Variants in CAD observed in about 807,000 individuals in gnomAD.
CAD encodes the protein carbamoyl-phosphate synthetase 2, aspartate transcarbamylase, and dihydroorotase.
A neutral mutation model predicts 237.2 loss-of-function variants in CAD; 81 were observed. That is an observed-to-expected ratio of 0.34 (90% CI 0.29 to 0.41). The LOEUF (loss-of-function observed/expected upper bound fraction) is 0.41, where lower values mean the gene tolerates loss of function less well. CAD is among the 10% of genes least tolerant of loss of function. CAD has a pLI of 1.00. For synonymous variants in CAD, 1,196 were observed against 1,162.8 expected (o/e 1.03, Z -0.58); for missense variants, 2,181 against 2,951.7 (o/e 0.74, Z 6.05).
In CAD at chr2:27,242,707, G is replaced by A. The variant is rs1572455463; in HGVS notation, c.6310G>A (p.Val2104Met). 3.1e-6 allele frequency: 5 copies of A among 1,614,030 alleles called. No homozygotes were observed. Among genetic ancestry groups the A allele is most frequent in the Non-Finnish European group, 4.2e-6 (5 of 1,180,032 alleles). ...LTQYRVSLRY[V>M]APPSLRMPPT... ...CCAGTATCGTGTCAGCCTGCGCTAC[G>A]TGGCACCTCCCAGCCTGCGCATGCC... The change falls in exon 41 of 44, where the codon GTG becomes ATG. Residue 2104 changes from valine (V) to methionine (M), a missense_variant. By Grantham distance (21) the Val-to-Met change is conservative (BLOSUM62 1). Transcript: ENST00000264705. The surrounding 1 kb of genome is among the most constrained non-coding windows in gnomAD (Gnocchi z 6.4).
At chr2:27,218,151 T>A in intron 2 of CAD, 135 bp downstream of exon 2, 1 of 710,054 alleles carries the variant, frequency 1.4e-6, no homozygotes, top group South Asian at 2.2e-5. Context: ...AGTCAAGGAC[T>A]AAGATCACTA....
rs1674914457 is a variant in CAD, at chr2:27,217,411, T to C, written c.-141T>C. 2 of 759,404 alleles carry C rather than the reference T, an allele frequency of 2.6e-6. No individual in the cohort carries two copies. Among genetic ancestry groups the C allele is most frequent in the African/African-American group, 1.8e-5 (1 of 55,708 alleles). 47.0% of individuals were successfully genotyped at this position (759,404 alleles called of 1,614,324 possible). A position where few individuals can be genotyped will look rare whatever the true frequency, so the allele number is the denominator to read the frequency against. On this transcript the variant is annotated 5_prime_UTR_variant, in exon 1 of 44. Transcript: ENST00000264705. ...CCAAGCGCGCCCGAGGCTCCTACGC[T>C]GCCGCGCCCGGCTTCTCTCCAGCGC...
Position 27,242,760 on chromosome 2 carries a change from C to T in CAD, c.6363C>T (p.Ser2121=), listed in dbSNP as rs758518085. The change falls in exon 41 of 44, where the codon TCC becomes TCT. Residue 2121 remains serine (S), a synonymous_variant. Transcript: ENST00000264705. The surrounding 1 kb of genome is among the most constrained non-coding windows in gnomAD (Gnocchi z 6.4). The part of the protein sequence containing the change: ...MPPTVRAFVA[S]RGTKQEEFES... Reference sequence around the variant, plus strand: ...CCACTGTGCGGGCCTTCGTGGCCTCCCGCGGCACCAAGCAGGTGAGACCCT... The same window carrying T: ...CCACTGTGCGGGCCTTCGTGGCCTCTCGCGGCACCAAGCAGGTGAGACCCT... 2.0e-5 allele frequency: 33 copies of T among 1,614,092 alleles called. No homozygotes were observed. Among genetic ancestry groups the T allele is most frequent in the Middle Eastern group, 1.6e-4 (1 of 6,084 alleles).
intron 15 of CAD, among the ~76,000 whole-genome samples, 173 bp from the exon 16 acceptor site, chr2:27,231,295 T>A (rs950057565): frequency 6.6e-6 from 1 of 152,206 alleles, no homozygotes; most frequent in Non-Finnish European, 1.5e-5. Flanking sequence ...CGTGAGCCAC[T>A]GCGCCCGGCC....
At position 27,241,106 on chromosome 2, in the gene CAD, C is replaced by T. The variant is rs773552897; in HGVS notation, c.5687C>T (p.Pro1896Leu). Residue 1896 changes from proline to leucine, a missense_variant, in exon 37 of 44, where the codon CCG becomes CTG. By Grantham distance (98) the Pro-to-Leu change is moderately conservative (BLOSUM62 -3). Transcript: ENST00000264705. The surrounding 1 kb of genome is among the most constrained non-coding windows in gnomAD (Gnocchi z 4.6). ...DGTCYPPPPV[P>L]RQASPQNLGT... ...ACCTGCTACCCTCCACCACCAGTACCGAGACAGGCATCTCCCCAGAACCTG... is the reference window on the plus strand; with the variant it reads ...ACCTGCTACCCTCCACCACCAGTACTGAGACAGGCATCTCCCCAGAACCTG... The T allele has an allele frequency of 1.4e-5, 23 of 1,609,106 alleles. No individual in the cohort carries two copies. The highest frequency in any genetic ancestry group is 2.2e-5 in the East Asian group (1 of 44,860).
chr2:27,225,303 C>CTT (rs1221617250), intron 11 of CAD, 60 bp downstream of exon 11: 21,316 of 529,772 alleles, frequency 0.04, 214 homozygotes, highest in Admixed American at 0.13. Flanking sequence ...GTGTTATTTT[C>CTT]TTTTTTTTTT....
At chr2:27,227,203 T>C (rs1675482943) in intron 15 of CAD, among the ~76,000 whole-genome samples, 1 of 152,230 alleles carries the variant, frequency 6.6e-6, no homozygotes, top group Non-Finnish European at 1.5e-5. Flanking sequence ...CAGTATCTCC[T>C]CCTCTGGCAC....
Position 27,239,182 on chromosome 2 carries a change from A to G in CAD, c.5203A>G (p.Asn1735Asp). The change falls in exon 32 of 44, where the codon AAT becomes GAT. Residue 1735 changes from asparagine (N) to aspartate (D), a missense_variant. Physicochemically the swap from Asn to Asp is conservative, Grantham distance 23 (BLOSUM62 1). This residue lies in a region of CAD where 478 missense variants were observed against 515.0 expected (regional missense o/e 0.93). Transcript: ENST00000264705. This position sits in a 1 kb window ranked among gnomAD's most constrained non-coding sequence, Gnocchi z 4.0. The stretch of plus-strand genomic sequence containing the variant: ...CGACCTGCTGCAGCGATTGCACCAC[A>G]ATCCTCGGCGCATCTTTCACCTGCC... ...LDDLLQRLHH[N>D]PRRIFHLPPQ... The G allele has an allele frequency of 6.2e-7, 1 of 1,611,934 alleles. No individual in the cohort carries two copies. The highest frequency in any genetic ancestry group is 8.5e-7 in the Non-Finnish European group (1 of 1,178,776).
chr2:27,224,539 G>C (rs1285831125), intron 9 of CAD, 49 bp downstream of exon 9: 2 of 1,599,744 alleles, frequency 1.3e-6, no homozygotes, highest in African/African-American at 2.7e-5. Context: ...CCTCAAGAAT[G>C]GAAAGGGTCT....
Position 27,225,837 on chromosome 2 carries a change from A to G in CAD, c.1753A>G (p.Thr585Ala), listed in dbSNP as rs774048211. 8 of 1,614,122 alleles carry G rather than the reference A, an allele frequency of 5.0e-6. No individual in the cohort carries two copies. In the Admixed American group the frequency reaches 6.7e-5, roughly 13 times the overall value. ...SALVAPAFAH[T>A]SQVLVDKSLK... Reference sequence around the variant, plus strand: ...TCTCGTGGCCCCAGCTTTTGCCCATACCAGCCAAGTGCTAGTAGACAAGTC... The same window carrying G: ...TCTCGTGGCCCCAGCTTTTGCCCATGCCAGCCAAGTGCTAGTAGACAAGTC... The change falls in exon 12 of 44, where the codon ACC (threonine) becomes GCC (alanine). Residue 585 changes from threonine (T) to alanine (A), a missense_variant. Around this residue, in one of 12 missense-constraint regions of CAD, gnomAD observed 2 missense variants for 16.6 expected, o/e 0.12. Coordinates refer to ENST00000264705, the MANE Select transcript of CAD (RefSeq NM_004341.5).
At chr2:27,221,741 T>C (rs1270007307) in intron 3 of CAD, among the ~76,000 whole-genome samples, 1 of 148,934 alleles carries the variant, frequency 6.7e-6, no homozygotes, top group South Asian at 2.1e-4. Context: ...AGGCAATGTT[T>C]AAAATTTCCC....
At chr2:27,221,470 G>C (rs1675161085) in intron 3 of CAD, 123 bp downstream of exon 3, 1 of 943,998 alleles carries the variant, frequency 1.1e-6, no homozygotes, top group African/African-American at 1.7e-5. Context: ...GTTTAGATTG[G>C]AGTTGGGCTG....
chr2:27,226,516 T>C lies in CAD; in HGVS notation c.2032-9T>C, dbSNP rs769830155. ...TCTAGGCCAGTGACTTTATTCTCCT[T>C]CTTTGCAGTATTACATCATTGAAGT... is the stretch of plus-strand genomic sequence containing the variant. On this transcript the variant is annotated splice_polypyrimidine_tract_variant and intron_variant, in intron 13 of 43. Coordinates refer to ENST00000264705, the MANE Select transcript of CAD (RefSeq NM_004341.5). 8 of 1,613,654 alleles carry C rather than the reference T, an allele frequency of 5.0e-6. No homozygotes were observed. In the African/African-American group the frequency reaches 6.7e-5, roughly 13 times the overall value.
At position 27,241,418 on chromosome 2, in the gene CAD, A is replaced by G. The variant is rs1037666875; in HGVS notation, c.5883+22A>G. ...GAAGGTCAGGATCAGGGCCGGGGGT[A>G]GGGTCCAGGCCATCGCCTGCCCTTG... is the stretch of plus-strand genomic sequence containing the variant. On this transcript the variant is annotated intron_variant, in intron 38 of 43. Transcript: ENST00000264705. The surrounding 1 kb of genome is among the most constrained non-coding windows in gnomAD (Gnocchi z 4.6). The G allele has an allele frequency of 3.1e-6, 5 of 1,611,390 alleles. No individual in the cohort carries two copies. Among genetic ancestry groups the G allele is most frequent in the Non-Finnish European group, 4.2e-6 (5 of 1,177,520 alleles).
In CAD at chr2:27,233,124, A is replaced by T; in HGVS notation, c.2975A>T (p.Asp992Val). The T allele has an allele frequency of 6.2e-7, 1 of 1,612,860 alleles. No individual in the cohort carries two copies. The highest frequency in any genetic ancestry group is 8.5e-7 in the Non-Finnish European group (1 of 1,178,834). ...DYDMCDRLYF[D>V]EISFEVVMDI... is the part of the protein sequence containing the mutation. ...GACATGTGTGATCGACTCTACTTTGATGAGATCTCTTTTGAGGTGAGGGAG... is the reference window on the plus strand; with the variant it reads ...GACATGTGTGATCGACTCTACTTTGTTGAGATCTCTTTTGAGGTGAGGGAG... The change falls in exon 19 of 44, where the codon GAT (aspartate) becomes GTT (valine). Residue 992 changes from aspartate to valine, a missense_variant. Asp to Val is a radical substitution (Grantham distance 152). Around this residue, in one of 12 missense-constraint regions of CAD, gnomAD observed 385 missense variants for 535.1 expected, o/e 0.72. Coordinates refer to ENST00000264705, the MANE Select transcript of CAD (RefSeq NM_004341.5). This position sits in a 1 kb window ranked among gnomAD's most constrained non-coding sequence, Gnocchi z 6.3.
At position 27,231,463 on chromosome 2, in the gene CAD, TC is replaced by T. The variant is rs756992410; in HGVS notation, c.2288-3del. ...ACCTTCATTCCTTCCATTCTGTTCTTCCAGGTGAAGTCATGGGCATTGGGCG... is the reference window on the plus strand; with the variant it reads ...ACCTTCATTCCTTCCATTCTGTTCTTCAGGTGAAGTCATGGGCATTGGGCG... On this transcript the variant is annotated splice_polypyrimidine_tract_variant and splice_region_variant and intron_variant, in intron 15 of 43. Coordinates refer to ENST00000264705, the MANE Select transcript of CAD (RefSeq NM_004341.5). The T allele has an allele frequency of 4.5e-6, 7 of 1,565,420 alleles. No individual in the cohort carries two copies. Among genetic ancestry groups the T allele is most frequent in the East Asian group, 2.2e-5 (1 of 44,670 alleles).
Position 27,225,777 on chromosome 2 carries a change from T to C in CAD, c.1693T>C (p.Ser565Pro). The C allele has an allele frequency of 6.2e-7, 1 of 1,614,220 alleles. No homozygotes were observed. The highest frequency in any genetic ancestry group is 8.5e-7 in the Non-Finnish European group (1 of 1,180,022). ...AGCCTTTGCCCTGGGTGGCCTGGGC[T>C]CTGGCTTTGCCTCTAACAGGGAGGA... ...RAAFALGGLG[S>P]GFASNREELS... The change falls in exon 12 of 44, where the codon TCT (serine) becomes CCT (proline). Residue 565 changes from serine to proline, a missense_variant. Physicochemically the swap from Ser to Pro is moderately conservative, Grantham distance 74. Around this residue, in one of 12 missense-constraint regions of CAD, gnomAD observed 174 missense variants for 215.8 expected, o/e 0.81. Coordinates refer to ENST00000264705, the MANE Select transcript of CAD (RefSeq NM_004341.5).
rs892516093 is a variant in CAD, at chr2:27,222,319, C to T, written c.478C>T (p.Pro160Ser). 2.5e-6 allele frequency: 4 copies of T among 1,612,196 alleles called. No individual in the cohort carries two copies. The African/African-American group carries it at 4.0e-5, about 16-fold the overall frequency. ...GGACCCCAATGCCCGCCCCCTGGTA[C>T]CAGAGGTCTCCATTAAGGTACAGAG... ...FLDPNARPLVPEVSIKTPRVF... is the reference protein window; with the variant it reads ...FLDPNARPLVSEVSIKTPRVF... Residue 160 changes from proline (P) to serine (S), a missense_variant, in exon 4 of 44, where the codon CCA becomes TCA. Pro to Ser is a moderately conservative substitution (Grantham distance 74). This residue lies in a region of CAD where 314 missense variants were observed against 339.4 expected (regional missense o/e 0.93). Coordinates refer to ENST00000264705, the MANE Select transcript of CAD (RefSeq NM_004341.5).
Position 27,235,535 on chromosome 2 carries a change from G to A in CAD, c.3970-1G>A, listed in dbSNP as rs1254594192. 6.2e-7 allele frequency: 1 copy of A among 1,614,124 alleles called. No homozygotes were observed. The highest frequency in any genetic ancestry group is 1.7e-5 in the Admixed American group (1 of 60,012). ...AATTTCATCCTTCTGTTTGGTTTCAGAACAAAAGCGAGCTGCTCCCAACTG... is the reference window on the plus strand; with the variant it reads ...AATTTCATCCTTCTGTTTGGTTTCAAAACAAAAGCGAGCTGCTCCCAACTG... On this transcript the variant is annotated splice_acceptor_variant, in intron 24 of 43. Coordinates refer to ENST00000264705, the MANE Select transcript of CAD (RefSeq NM_004341.5). LOFTEE classifies it high-confidence loss of function. The surrounding 1 kb of genome is among the most constrained non-coding windows in gnomAD (Gnocchi z 5.2).
Sources: gnomAD v4.1 joint callset for allele counts (sites outside exome capture counted in the v4.1 genomes callset) on GRCh38, gnomAD v4.1.1 for gene constraint, gnomAD v4.1.1 regional missense constraint, Gnocchi (gnomAD v3.1) non-coding constraint, MANE v1.5 for transcripts, NCBI Gene and HGNC (gene_info 2026-07-23, HGNC 2026-07-21) for gene names.